The following ITGA9 variants were observed in gnomAD, a reference collection of about 807,000 sequenced individuals.
ITGA9 encodes integrin alpha-9.
ITGA9 carries 56 observed loss-of-function variants against 127.8 expected under a neutral mutation model. The observed-to-expected ratio is 0.44, with a 90% CI of 0.35 to 0.55. The LOEUF (loss-of-function observed/expected upper bound fraction) is 0.55, where lower values mean the gene tolerates loss of function less well. ITGA9 is among the 20% of genes least tolerant of loss of function. The pLI, the probability that ITGA9 is intolerant of heterozygous loss-of-function variation, is 0.00. For synonymous variants in ITGA9, 508 were observed against 514.5 expected, an observed-to-expected ratio of 0.99 and a Z score of 0.17; for missense variants, 1,196 against 1,347.1, an observed-to-expected ratio of 0.89 and a Z score of 1.76.
intron 16 of ITGA9, among the ~76,000 whole-genome samples, chr3:37,634,632 G>T (rs548225822): frequency 6.6e-5 from 10 of 152,164 alleles, no homozygotes; most frequent in Non-Finnish European, 1.3e-4. Context: ...GAGAGAGATA[G>T]ATTGCAGTAC....
chr3:37,523,544 T>A lies in ITGA9; in HGVS notation c.1260T>A (p.Asn420Lys). Reference sequence around the variant, plus strand: ...AGAAACTGTCTGGGCAGAAGATAAATCCAGTGCTCCGGATGTTTGGTCAGT... The same window carrying A: ...AGAAACTGTCTGGGCAGAAGATAAAACCAGTGCTCCGGATGTTTGGTCAGT... ...YSMKLSGQKI[N>K]PVLRMFGQSI... is the part of the protein sequence containing the mutation. Residue 420 changes from asparagine to lysine, a missense_variant, in exon 12 of 28, where the codon AAT becomes AAA. Transcript: ENST00000264741. 1 of 1,614,090 alleles carries A rather than the reference T, an allele frequency of 6.2e-7. No homozygotes were observed. Among genetic ancestry groups the A allele is most frequent in the Non-Finnish European group, 8.5e-7 (1 of 1,179,948 alleles).
intron 11 of ITGA9, among the ~76,000 whole-genome samples, chr3:37,521,081 C>A (rs1254195568): frequency 6.6e-6 from 1 of 152,060 alleles, no homozygotes; most frequent in Admixed American, 6.5e-5. Context: ...CGCAGGCTGG[C>A]TCCTTTGCTT....
chr3:37,815,106 G>A (rs1288309728), intron 27 of ITGA9, among the ~76,000 whole-genome samples: 1 of 152,156 alleles, frequency 6.6e-6, no homozygotes, highest in East Asian at 1.9e-4. Flanking sequence ...GCTTGCTTCC[G>A]GGTGCCTGCA....
At chr3:37,514,971 C>T (rs555333390) in intron 9 of ITGA9, among the ~76,000 whole-genome samples, 1 of 146,566 alleles carries the variant, frequency 6.8e-6, no homozygotes, top group South Asian at 2.4e-4. Context: ...TGAGTGGGGG[C>T]TGGGTTGGGG....
At position 37,512,018 on chromosome 3, in the gene ITGA9, CTTTTCTTTT is replaced by C. The variant is rs1559524476; in HGVS notation, c.898-1744_898-1736del. On this transcript the variant is annotated intron_variant, in intron 8 of 27. Transcript: ENST00000264741. ...CTTTTCTTTTCTTTTCTTTTCTTTT[CTTTTCTTTT>C]CTTTCTTTCTTTCTTTCTTTCTTTC... is the stretch of plus-strand genomic sequence containing the variant. Among the ~76,000 whole-genome samples the C allele has an allele frequency of 3.0e-3, 98 of 33,082 alleles. 7 individuals are homozygous for C. The highest frequency in any genetic ancestry group is 7.8e-3 in the East Asian group (6 of 770). 21.7% of individuals were successfully genotyped at this position (33,082 alleles called of 152,430 possible). A position where few individuals can be genotyped will look rare whatever the true frequency, so the allele number is the denominator to read the frequency against.
chr3:37,790,163 A>G (rs1213600968), intron 26 of ITGA9: 3 of 566,210 alleles, frequency 5.3e-6, no homozygotes, highest in East Asian at 9.1e-5. Flanking sequence ...CCTTTCAGCA[A>G]TCTGAATTCC....
Position 37,452,390 on chromosome 3 carries a change from GCGCCGAGGGGCGCCGGGAGGCTCCGC to G in ITGA9, c.17_42del (p.Ala6GlyfsTer31). The G allele has an allele frequency of 1.5e-6, 2 of 1,332,700 alleles. No homozygotes were observed. The highest frequency in any genetic ancestry group is 1.9e-6 in the Non-Finnish European group (2 of 1,042,834). 82.6% of individuals were successfully genotyped at this position (1,332,700 alleles called of 1,614,324 possible). ...CCGGCTGGGGATGGGCGGCCCGGCT[GCGCCGAGGGGCGCCGGGAGGCTCCGC>G]GCGCTGCTGCTGGCGCTGGTGGTCG... On this transcript the variant is annotated frameshift_variant, in exon 1 of 28. Coordinates refer to ENST00000264741, the MANE Select transcript of ITGA9 (RefSeq NM_002207.3). LOFTEE classifies it high-confidence loss of function. The surrounding 1 kb of genome is among the most constrained non-coding windows in gnomAD (Gnocchi z 7.3).
intron 3 of ITGA9, among the ~76,000 whole-genome samples, chr3:37,474,810 TC>T (rs1698475700): frequency 1.3e-5 from 2 of 152,248 alleles, no homozygotes. Flanking sequence ...GTGTATTTTA[TC>T]CCAGGGAAAC....
At chr3:37,744,720 T>C (rs1696480008) in intron 22 of ITGA9, among the ~76,000 whole-genome samples, 1 of 152,260 alleles carries the variant, frequency 6.6e-6, no homozygotes, top group Non-Finnish European at 1.5e-5. Context: ...CCATTTGGCC[T>C]CTGCAGCATC....
chr3:37,669,160 T>C (rs1284756424), intron 17 of ITGA9, among the ~76,000 whole-genome samples: 6 of 152,162 alleles, frequency 3.9e-5, no homozygotes, highest in African/African-American at 1.4e-4. Flanking sequence ...GTGGTTGCCA[T>C]TGGTGTCACA....
At chr3:37,634,980 A>G (rs957953026) in intron 16 of ITGA9, among the ~76,000 whole-genome samples, 17 of 152,340 alleles carry the variant, frequency 1.1e-4, no homozygotes, top group African/African-American at 4.1e-4. Context: ...ATTAAATAAC[A>G]TGGTCCTGAA....
chr3:37,629,362 G>A lies in ITGA9; in HGVS notation c.1839+26G>A. 6.2e-7 allele frequency: 1 copy of A among 1,612,972 alleles called. No homozygotes were observed. The highest frequency in any genetic ancestry group is 8.5e-7 in the Non-Finnish European group (1 of 1,179,568). On this transcript the variant is annotated intron_variant, in intron 16 of 27. Coordinates refer to ENST00000264741, the MANE Select transcript of ITGA9 (RefSeq NM_002207.3). This position sits in a 1 kb window ranked among gnomAD's most constrained non-coding sequence, Gnocchi z 4.5. ...GTCAGAACCTTAAAGCTCATACTCA[G>A]CACCCAAGGTGGCAGCTGCACAGAG...
At chr3:37,508,891 G>A (rs928799) in intron 8 of ITGA9, among the ~76,000 whole-genome samples, 21,589 of 152,104 alleles carry the variant, frequency 0.14, 1,716 homozygotes, top group African/African-American at 0.21. Flanking sequence ...GAGATTGTCC[G>A]TAGTTCAGAC....
At chr3:37,685,394 G>A (rs189144474) in intron 18 of ITGA9, among the ~76,000 whole-genome samples, 281 of 152,292 alleles carry the variant, frequency 1.8e-3, no homozygotes, top group Admixed American at 4.3e-3. Context: ...ATCAAGGACT[G>A]CAGGAGGGGT....
In ITGA9 at chr3:37,452,545, C is replaced by T. The variant is rs1436450134; in HGVS notation, c.171C>T (p.His57=). 1.3e-6 allele frequency: 2 copies of T among 1,523,000 alleles called. No homozygotes were observed. Among genetic ancestry groups the T allele is most frequent in the East Asian group, 2.7e-5 (1 of 37,394 alleles). 94.3% of individuals were successfully genotyped at this position (1,523,000 alleles called of 1,614,324 possible). A position where few individuals can be genotyped will look rare whatever the true frequency, so the allele number is the denominator to read the frequency against. ...FFGYAVLEHF[H]DNTRWVLVGA... is the part of the protein sequence containing the mutation. ...GCTACGCAGTTCTGGAGCATTTCCA[C>T]GACAACACGCGCTGGTGAGTGCCCG... Residue 57 remains histidine (H), a synonymous_variant, in exon 1 of 28, where the codon CAC becomes CAT. Coordinates refer to ENST00000264741, the MANE Select transcript of ITGA9 (RefSeq NM_002207.3). The surrounding 1 kb of genome is among the most constrained non-coding windows in gnomAD (Gnocchi z 7.3).
intron 15 of ITGA9, among the ~76,000 whole-genome samples, chr3:37,562,833 T>C (rs1699507157): frequency 6.6e-6 from 1 of 152,198 alleles, no homozygotes; most frequent in African/African-American, 2.4e-5. Flanking sequence ...GTATCCTTGC[T>C]TGTTTAATTA....
At chr3:37,509,628 T>G (rs1461314420) in intron 8 of ITGA9, among the ~76,000 whole-genome samples, 1 of 152,162 alleles carries the variant, frequency 6.6e-6, no homozygotes, top group Non-Finnish European at 1.5e-5. Context: ...TAGGTACACT[T>G]AGTGTATAAT....
At chr3:37,509,348 G>A (rs2125573815) in intron 8 of ITGA9, among the ~76,000 whole-genome samples, 1 of 152,208 alleles carries the variant, frequency 6.6e-6, no homozygotes, top group Non-Finnish European at 1.5e-5. Flanking sequence ...TGCACTTCTT[G>A]TGTGGCTTAG....
intron 15 of ITGA9, among the ~76,000 whole-genome samples, chr3:37,581,597 A>G (rs867990020): frequency 2.0e-4 from 30 of 152,380 alleles, no homozygotes; most frequent in African/African-American, 6.5e-4. Flanking sequence ...TGCCCTGTTT[A>G]GATGGCAGCT....
Sources: allele counts gnomAD v4.1 joint callset (sites outside exome capture counted in the v4.1 genomes callset), GRCh38; gene constraint gnomAD v4.1.1; non-coding constraint Gnocchi (gnomAD v3.1); transcripts MANE v1.5; gene names NCBI Gene and HGNC (gene_info 2026-07-23, HGNC 2026-07-21).